Variants in METTL8 observed in about 807,000 individuals in gnomAD.
METTL8 encodes methyltransferase 8, tRNA N3-cytidine.
In METTL8, 32 loss-of-function variants were observed where a neutral mutation model predicts 48.7. The ratio of observed to expected loss-of-function variants is 0.66; its 90% CI spans 0.50 to 0.88. The LOEUF is 0.88. Among genes scored for constraint, METTL8 ranks in the 40% least tolerant of loss-of-function variants. The pLI is 0.00. For missense variants in METTL8, 464 were observed against 474.4 expected (o/e 0.98, Z 0.20); for synonymous variants, 136 against 157.1 (o/e 0.87, Z 1.01).
In METTL8 at chr2:171,360,529, AG is replaced by A; in HGVS notation, c.144-17del. 6.3e-7 allele frequency: 1 copy of A among 1,599,496 alleles called. No homozygotes were observed. Among genetic ancestry groups the A allele is most frequent in the Admixed American group, 1.7e-5 (1 of 58,804 alleles). ...CATGTGATCCCTATTAAAAAAAAAT[AG>A]ACTGTAAAATATGCTTTATCATTGA... is the stretch of plus-strand genomic sequence containing the variant. On this transcript the variant is annotated splice_polypyrimidine_tract_variant and intron_variant, in intron 2 of 9. Transcript: ENST00000375258.
chr2:171,338,583 T>C (rs1223773569), intron 4 of METTL8, among the ~76,000 whole-genome samples: 1 of 148,668 alleles, frequency 6.7e-6, no homozygotes, highest in African/African-American at 2.5e-5. Flanking sequence ...GAAGCTGCAG[T>C]GAGCTGAGAT....
chr2:171,362,661 T>C (rs1266543898), intron 2 of METTL8, among the ~76,000 whole-genome samples: 1 of 152,098 alleles, frequency 6.6e-6, no homozygotes, highest in Non-Finnish European at 1.5e-5. Context: ...CAGAGTTTCA[T>C]AGATAAAAGT....
At chr2:171,431,934 G>A (rs896795907) in intron 1 of METTL8, among the ~76,000 whole-genome samples, 1 of 152,220 alleles carries the variant, frequency 6.6e-6, no homozygotes, top group Non-Finnish European at 1.5e-5. Flanking sequence ...GCCCACTGTG[G>A]GAGTCACTTG....
intron 1 of METTL8, among the ~76,000 whole-genome samples, chr2:171,399,676 A>G (rs941189995): frequency 1.3e-5 from 2 of 152,170 alleles, no homozygotes; most frequent in African/African-American, 2.4e-5. Context: ...ACAAACTATA[A>G]CATATGCTAC....
At chr2:171,384,157 A>G (rs1233290624) in intron 2 of METTL8, among the ~76,000 whole-genome samples, 1 of 152,250 alleles carries the variant, frequency 6.6e-6, no homozygotes, top group African/African-American at 2.4e-5. Context: ...CCTCCAAGAC[A>G]TAAGTGAAAG....
upstream of METTL8, chr2:171,434,374 C>T (rs147113116): frequency 7.9e-4 from 691 of 878,700 alleles, 2 homozygotes; most frequent in African/African-American, 9.3e-3. Context: ...TCCCTTCTCT[C>T]CGCGCTCTGG....
At chr2:171,328,980 C>T (rs560286742) in intron 7 of METTL8, among the ~76,000 whole-genome samples, 32 of 149,028 alleles carry the variant, frequency 2.1e-4, no homozygotes, top group Non-Finnish European at 4.3e-4. Context: ...TGAGCCACAG[C>T]GCCCAGCCTT....
Position 171,330,656 on chromosome 2 carries a change from G to A in METTL8, c.763C>T (p.His255Tyr), listed in dbSNP as rs1685428705. The change falls in exon 7 of 10, where the codon CAT (histidine) becomes TAT (tyrosine). Residue 255 changes from histidine to tyrosine, a missense_variant. Physicochemically the swap from His to Tyr is moderately conservative, Grantham distance 83. Coordinates refer to ENST00000375258, the MANE Select transcript of METTL8 (RefSeq NM_001321154.2). ...GGTAAGCCATCATCACATACATCAT[G>A]AACAAAGGCAAAACACTGGGTTGCT... ...YRATQCFAFV[H>Y]DVCDDGLPYP... 6.2e-6 allele frequency: 10 copies of A among 1,613,524 alleles called. No individual in the cohort carries two copies. In the East Asian group the frequency reaches 2.0e-4, roughly 32 times the overall value.
At chr2:171,368,692 C>A (rs995179132) in intron 2 of METTL8, among the ~76,000 whole-genome samples, 22 of 151,820 alleles carry the variant, frequency 1.4e-4, no homozygotes, top group African/African-American at 5.3e-4. Flanking sequence ...TAAATCATGC[C>A]TAGGTAAAGG....
intron 3 of METTL8, among the ~76,000 whole-genome samples, chr2:171,356,955 T>TTTTTTTTG (rs1684634474): frequency 8.3e-6 from 1 of 121,088 alleles, no homozygotes; most frequent in African/African-American, 3.0e-5. Flanking sequence ...AGACAATATT[T>TTTTTTTTG]TTTTTTTTTT....
At chr2:171,425,877 G>A (rs1692361807) in intron 1 of METTL8, among the ~76,000 whole-genome samples, 4 of 152,298 alleles carry the variant, frequency 2.6e-5, no homozygotes, top group Middle Eastern at 3.4e-3. Flanking sequence ...ACCTGAAAGA[G>A]GCCAGGTGTG....
chr2:171,321,789 T>A lies in METTL8; in HGVS notation c.*2383A>T, dbSNP rs1039961258. On this transcript the variant is annotated 3_prime_UTR_variant, in exon 10 of 10. Transcript: ENST00000375258. Reference sequence around the variant, plus strand: ...CTCTATTTATGCTCCCTGAAGAGCATAAACAAGGCTGGGTCTTTATTGTTC... The same window carrying A: ...CTCTATTTATGCTCCCTGAAGAGCAAAAACAAGGCTGGGTCTTTATTGTTC... 17 of 152,162 alleles carry A rather than the reference T, an allele frequency of 1.1e-4. No individual in the cohort carries two copies. Among genetic ancestry groups the A allele is most frequent in the Admixed American group, 1.3e-4 (2 of 15,282 alleles). The allele number at this position is 152,162 out of a possible 1,614,324, so 9.4% of individuals were successfully genotyped here.
intron 2 of METTL8, among the ~76,000 whole-genome samples, chr2:171,379,125 T>C (rs1188107883): frequency 6.6e-6 from 1 of 152,094 alleles, no homozygotes; most frequent in Admixed American, 6.5e-5. Flanking sequence ...CACACAACTA[T>C]ATGGAAATTG....
chr2:171,325,959 AC>A (rs1277951481), intron 8 of METTL8, 53 bp from the exon 9 acceptor site: 10 of 1,390,504 alleles, frequency 7.2e-6, no homozygotes, highest in Non-Finnish European at 1.0e-5. Context: ...TTAAAAAAAA[AC>A]AACTAAATAC....
chr2:171,346,485 T>C (rs1322742321), intron 3 of METTL8, among the ~76,000 whole-genome samples: 1 of 152,096 alleles, frequency 6.6e-6, no homozygotes, highest in Non-Finnish European at 1.5e-5. Context: ...AAATGGGAAA[T>C]GGGAGTGACA....
At chr2:171,429,226 A>G (rs1305013939) in intron 1 of METTL8, among the ~76,000 whole-genome samples, 1 of 152,146 alleles carries the variant, frequency 6.6e-6, no homozygotes. Flanking sequence ...TGTGTTTAGG[A>G]GTGTATTGCT....
intron 2 of METTL8, among the ~76,000 whole-genome samples, chr2:171,378,310 T>C (rs1469031928): frequency 6.6e-6 from 1 of 152,178 alleles, no homozygotes; most frequent in East Asian, 1.9e-4. Context: ...AGACAGACTT[T>C]AAACCAACAA....
At chr2:171,400,442 A>G (rs538615636) in intron 1 of METTL8, among the ~76,000 whole-genome samples, 17 of 152,258 alleles carry the variant, frequency 1.1e-4, no homozygotes, top group Middle Eastern at 3.4e-3. Context: ...GGAGGCCCAG[A>G]ATTCCTTCTC....
intron 2 of METTL8, among the ~76,000 whole-genome samples, chr2:171,379,447 T>TAA (rs200665965): frequency 6.8e-6 from 1 of 146,182 alleles, no homozygotes; most frequent in African/African-American, 2.5e-5. Flanking sequence ...AAAAAACCCT[T>TAA]AAAAAAAAAA....
Sources: allele counts gnomAD v4.1 joint callset (sites outside exome capture counted in the v4.1 genomes callset), GRCh38; gene constraint gnomAD v4.1.1; transcripts MANE v1.5; gene names NCBI Gene and HGNC (gene_info 2026-07-23, HGNC 2026-07-21).